Variants in ERBB4 observed in about 807,000 individuals in gnomAD.
The protein encoded by ERBB4 is receptor tyrosine-protein kinase erbB-4.
A neutral mutation model predicts 158.0 loss-of-function variants in ERBB4; 42 were observed. The observed-to-expected ratio is 0.27, with a 90% CI of 0.21 to 0.34. The LOEUF is 0.34. ERBB4 is among the 10% of genes least tolerant of loss of function. ERBB4 has a pLI of 1.00. For synonymous variants in ERBB4, 583 were observed against 558.7 expected, an observed-to-expected ratio of 1.04 and a Z score of -0.61; for missense variants, 1,333 against 1,624.1, an observed-to-expected ratio of 0.82 and a Z score of 3.08.
At chr2:212,437,492 C>CA (rs10714742) in intron 1 of ERBB4, among the ~76,000 whole-genome samples, 155 of 127,578 alleles carry the variant, frequency 1.2e-3, no homozygotes, top group Middle Eastern at 4.6e-3. Flanking sequence ...TGTTCTGATA[C>CA]AAAAAAAAAA....
At chr2:211,602,952 G>A (rs992686266) in intron 19 of ERBB4, among the ~76,000 whole-genome samples, 5 of 152,196 alleles carry the variant, frequency 3.3e-5, no homozygotes, top group Non-Finnish European at 7.4e-5. Context: ...TCTCTGTCCC[G>A]GCTCAGTGGC....
chr2:212,024,468 G>C (rs1413644414), intron 2 of ERBB4, among the ~76,000 whole-genome samples: 1 of 151,824 alleles, frequency 6.6e-6, no homozygotes, highest in Non-Finnish European at 1.5e-5. Flanking sequence ...TTATTGCTTC[G>C]TGTTCACACA....
At chr2:211,528,199 G>C (rs1334908032) in intron 20 of ERBB4, among the ~76,000 whole-genome samples, 1 of 151,912 alleles carries the variant, frequency 6.6e-6, no homozygotes. Context: ...AAAAGAGCAA[G>C]AGTTGCTATA....
rs538639911 is a variant in ERBB4 at position 211,612,527 on chromosome 2, T to C, written c.2301+6650A>G. Among the ~76,000 whole-genome samples the C allele has an allele frequency of 5.6e-4, 85 of 152,130 alleles. 1 individual carries two copies. The South Asian group carries it at 0.018, about 32-fold the overall frequency. On this transcript the variant is annotated intron_variant, in intron 19 of 27. Coordinates refer to ENST00000342788, the MANE Select transcript of ERBB4 (RefSeq NM_005235.3). ...CTTAAGCTGAGAAAATAAGGATAACTAGGAGTTCATTAGGTATGATTGGAA... is the reference window on the plus strand; with the variant it reads ...CTTAAGCTGAGAAAATAAGGATAACCAGGAGTTCATTAGGTATGATTGGAA...
At chr2:211,624,664 A>G (rs777483729) in intron 17 of ERBB4, among the ~76,000 whole-genome samples, 15 of 152,240 alleles carry the variant, frequency 9.9e-5, no homozygotes, top group African/African-American at 1.7e-4. Flanking sequence ...ATTCTGCATC[A>G]TAAGTGAATG....
chr2:211,966,676 T>C (rs1452240902), intron 2 of ERBB4, among the ~76,000 whole-genome samples: 1 of 152,196 alleles, frequency 6.6e-6, no homozygotes. Context: ...TATTTTTAAG[T>C]CTATATATTT....
At chr2:212,234,533 T>A (rs186309458) in intron 1 of ERBB4, among the ~76,000 whole-genome samples, 1 of 152,292 alleles carries the variant, frequency 6.6e-6, no homozygotes, top group African/African-American at 2.4e-5. Context: ...GTATTTCTGG[T>A]TCTAGATCCT....
intron 12 of ERBB4, among the ~76,000 whole-genome samples, chr2:211,681,663 T>G (rs943081711): frequency 1.3e-5 from 2 of 152,170 alleles, no homozygotes; most frequent in Admixed American, 6.5e-5. Flanking sequence ...ATATCTCGTT[T>G]GGTCAAGTGC....
At chr2:211,564,409 G>C (rs759476099) in intron 19 of ERBB4, among the ~76,000 whole-genome samples, 1 of 152,126 alleles carries the variant, frequency 6.6e-6, no homozygotes, top group Non-Finnish European at 1.5e-5. Flanking sequence ...GTGGACTGTG[G>C]ATATCAGGCA....
intron 4 of ERBB4, among the ~76,000 whole-genome samples, chr2:211,773,623 TATATATATATATATATATATATATAA>T (rs2075781622): frequency 3.0e-5 from 2 of 66,580 alleles, no homozygotes; most frequent in Middle Eastern, 5.4e-3. Context: ...TATATATATA[TATATATATATATATATATATATATAA>T]TATATATACA....
intron 3 of ERBB4, among the ~76,000 whole-genome samples, chr2:211,944,883 T>C (rs1238243035): frequency 6.6e-6 from 1 of 152,104 alleles, no homozygotes. Context: ...GAGTTAAAAA[T>C]GTAATACAGT....
chr2:211,809,164 G>A (rs1339054693), intron 3 of ERBB4, among the ~76,000 whole-genome samples: 1 of 152,154 alleles, frequency 6.6e-6, no homozygotes, highest in African/African-American at 2.4e-5. Flanking sequence ...CCAACACTAT[G>A]TTGAATAGGA....
chr2:211,884,657 C>T (rs1437031852), intron 3 of ERBB4, among the ~76,000 whole-genome samples: 2 of 152,154 alleles, frequency 1.3e-5, no homozygotes, highest in Non-Finnish European at 2.9e-5. Context: ...TTTCATTATC[C>T]TCTGTCTGTG....
At chr2:211,903,327 C>G (rs1000117337) in intron 3 of ERBB4, among the ~76,000 whole-genome samples, 3 of 151,872 alleles carry the variant, frequency 2.0e-5, no homozygotes, top group African/African-American at 7.3e-5. Flanking sequence ...ATTTTAATGT[C>G]CTACAGTTTA....
intron 6 of ERBB4, 135 bp from the exon 7 acceptor site, chr2:211,722,669 T>C (rs1379111400): frequency 1.0e-6 from 1 of 959,986 alleles, no homozygotes; most frequent in South Asian, 1.5e-5. Flanking sequence ...TTAAGAGTCA[T>C]GTGTGTTTCC....
At chr2:211,635,021 T>C (rs1261155427) in intron 16 of ERBB4, among the ~76,000 whole-genome samples, 25 of 152,202 alleles carry the variant, frequency 1.6e-4, no homozygotes, top group Admixed American at 1.6e-3. Context: ...AGAGGCTCAG[T>C]TGACACTATG....
intron 2 of ERBB4, among the ~76,000 whole-genome samples, chr2:211,981,225 C>G (rs929084963): frequency 6.6e-6 from 1 of 152,242 alleles, no homozygotes; most frequent in East Asian, 1.9e-4. Context: ...AAGAGCACCA[C>G]GTGCTAGCAG....
intron 2 of ERBB4, among the ~76,000 whole-genome samples, chr2:212,096,052 T>C (rs2078924278): frequency 6.6e-6 from 1 of 150,772 alleles, no homozygotes; most frequent in Admixed American, 6.6e-5. Flanking sequence ...TTTGATCAAA[T>C]TGATAATAAG....
intron 3 of ERBB4, among the ~76,000 whole-genome samples, chr2:211,790,014 T>C (rs1157068727): frequency 1.3e-5 from 2 of 152,108 alleles, no homozygotes; most frequent in African/African-American, 4.8e-5. Flanking sequence ...AGAAATTAGA[T>C]CATCTTTCTA....
Sources: allele counts gnomAD v4.1 joint callset (sites outside exome capture counted in the v4.1 genomes callset), GRCh38; gene constraint gnomAD v4.1.1; transcripts MANE v1.5; gene names NCBI Gene and HGNC (gene_info 2026-07-23, HGNC 2026-07-21).